Variants in RBMS3 observed in about 807,000 individuals in gnomAD.
RBMS3 encodes the protein RNA binding motif single stranded interacting protein 3.
A neutral mutation model predicts 66.8 loss-of-function variants in RBMS3; 27 were observed. The ratio of observed to expected loss-of-function variants is 0.40; its 90% CI spans 0.30 to 0.56. RBMS3 has a LOEUF of 0.56. RBMS3 is among the 20% of genes least tolerant of loss of function. The pLI, the probability that RBMS3 is intolerant of heterozygous loss-of-function variation, is 0.40. For missense variants in RBMS3, 513 were observed against 549.5 expected, an observed-to-expected ratio of 0.93 and a Z score of 0.66; for synonymous variants, 188 against 183.0, an observed-to-expected ratio of 1.03 and a Z score of -0.22.
intron 4 of RBMS3, among the ~76,000 whole-genome samples, chr3:29,682,217 C>T (rs1480139894): frequency 6.6e-6 from 1 of 152,216 alleles, no homozygotes. Context: ...GCCATCTTGG[C>T]TCACTGTAAC....
At chr3:29,485,991 C>T (rs575316613) in intron 2 of RBMS3, among the ~76,000 whole-genome samples, 57 of 152,156 alleles carry the variant, frequency 3.7e-4, no homozygotes, top group Admixed American at 7.2e-4. Context: ...TATTTTCCTT[C>T]GGAGTGTATA....
intron 6 of RBMS3, among the ~76,000 whole-genome samples, chr3:29,810,151 G>C (rs2057689429): frequency 6.6e-6 from 1 of 151,960 alleles, no homozygotes; most frequent in Non-Finnish European, 1.5e-5. Flanking sequence ...ATTATAATTT[G>C]ACACAATGTT....
intron 1 of RBMS3, among the ~76,000 whole-genome samples, chr3:29,379,886 A>G (rs896714799): frequency 6.6e-6 from 1 of 152,216 alleles, no homozygotes; most frequent in Non-Finnish European, 1.5e-5. Flanking sequence ...TAAAGGAAAT[A>G]AGCAAGGGGT....
chr3:29,509,044 T>C (rs1038097085), intron 3 of RBMS3, among the ~76,000 whole-genome samples: 14 of 151,478 alleles, frequency 9.2e-5, no homozygotes, highest in Admixed American at 2.6e-4. Flanking sequence ...TTTGATGGGG[T>C]TGGTTTTTTT....
At chr3:29,962,567 T>TATATATATATATATATATATATATAA (rs1319441592) in intron 12 of RBMS3, among the ~76,000 whole-genome samples, 2 of 150,780 alleles carry the variant, frequency 1.3e-5, no homozygotes, top group African/African-American at 4.9e-5. Flanking sequence ...TATATATATA[T>TATATATATATATATATATATATATAA]AATACCATAC....
At chr3:29,949,614 G>A (rs1214433121) in intron 12 of RBMS3, among the ~76,000 whole-genome samples, 1 of 151,664 alleles carries the variant, frequency 6.6e-6, no homozygotes, top group East Asian at 1.9e-4. Context: ...ATAAAAGACA[G>A]AAATATCAGA....
intron 6 of RBMS3, among the ~76,000 whole-genome samples, chr3:29,783,858 T>G (rs2056727116): frequency 6.6e-6 from 1 of 152,060 alleles, no homozygotes; most frequent in South Asian, 2.1e-4. Context: ...AAAATTATGT[T>G]CCATGCAAAT....
chr3:29,834,181 G>T (rs897352411), intron 6 of RBMS3, among the ~76,000 whole-genome samples: 1 of 152,066 alleles, frequency 6.6e-6, no homozygotes, highest in Non-Finnish European at 1.5e-5. Context: ...CATTATACTT[G>T]CCTTACAAGA....
intron 4 of RBMS3, among the ~76,000 whole-genome samples, chr3:29,610,669 A>T (rs1379526): frequency 0.027 from 4,057 of 152,152 alleles, 102 homozygotes; most frequent in Admixed American, 0.083. Flanking sequence ...TACATAGTAG[A>T]TTGTGGATCT....
intron 12 of RBMS3, among the ~76,000 whole-genome samples, chr3:29,956,214 G>A (rs1256750475): frequency 1.3e-5 from 2 of 152,090 alleles, no homozygotes; most frequent in East Asian, 3.9e-4. Context: ...GTTTAATGGT[G>A]AGTGCTTGCT....
At chr3:29,388,084 GACACACAC>G (rs55679426) in intron 1 of RBMS3, among the ~76,000 whole-genome samples, 147 of 147,044 alleles carry the variant, frequency 1.0e-3, no homozygotes, top group Non-Finnish European at 1.7e-3. Flanking sequence ...CACACACACA[GACACACAC>G]ACACACACAC....
chr3:29,587,435 T>C (rs1401285688), intron 4 of RBMS3, among the ~76,000 whole-genome samples: 1 of 151,780 alleles, frequency 6.6e-6, no homozygotes, highest in Non-Finnish European at 1.5e-5. Flanking sequence ...CTTAGGAGAA[T>C]CTGTCTGGCT....
intron 1 of RBMS3, among the ~76,000 whole-genome samples, chr3:29,408,271 CAA>C (rs10708935): frequency 0.026 from 1,928 of 74,770 alleles, 22 homozygotes; most frequent in African/African-American, 0.076. Flanking sequence ...GACTCCATCT[CAA>C]AAAAAAAAAA....
chr3:29,810,610 A>G (rs150588414), intron 6 of RBMS3, among the ~76,000 whole-genome samples: 1 of 152,244 alleles, frequency 6.6e-6, no homozygotes, highest in African/African-American at 2.4e-5. Context: ...AATTTGAAAC[A>G]GAGTGCTAAA....
intron 2 of RBMS3, among the ~76,000 whole-genome samples, chr3:29,481,821 A>T (rs2043138470): frequency 6.6e-6 from 1 of 152,208 alleles, no homozygotes; most frequent in Admixed American, 6.5e-5. Context: ...CTGAGTTATT[A>T]TTTTATGCTA....
At chr3:29,494,829 T>C (rs931320845) in intron 3 of RBMS3, among the ~76,000 whole-genome samples, 21 of 152,176 alleles carry the variant, frequency 1.4e-4, no homozygotes, top group African/African-American at 5.1e-4. Flanking sequence ...CGACAGGCTA[T>C]ATGTTTAGAG....
chr3:29,358,504 G>A (rs1390054015), intron 1 of RBMS3, among the ~76,000 whole-genome samples: 1 of 152,054 alleles, frequency 6.6e-6, no homozygotes, highest in South Asian at 2.1e-4. Context: ...TGTTCTTTTG[G>A]CTTAGGATTG....
chr3:29,943,005 T>G (rs1388356152), intron 11 of RBMS3, among the ~76,000 whole-genome samples: 1 of 151,834 alleles, frequency 6.6e-6, no homozygotes, highest in African/African-American at 2.4e-5. Context: ...GTCTGGTTTA[T>G]TTGCATTTGA....
chr3:29,871,430 T>A (rs2059489418), intron 7 of RBMS3, among the ~76,000 whole-genome samples: 1 of 152,138 alleles, frequency 6.6e-6, no homozygotes, highest in Admixed American at 6.6e-5. Context: ...TTCAGTGTCA[T>A]GACTGAGACA....
Sources: allele counts gnomAD v4.1 joint callset (sites outside exome capture counted in the v4.1 genomes callset), GRCh38; gene constraint gnomAD v4.1.1; transcripts MANE v1.5; gene names NCBI Gene and HGNC (gene_info 2026-07-23, HGNC 2026-07-21).